The following KIF20B variants were observed in gnomAD, a reference collection of about 807,000 sequenced individuals.
KIF20B encodes kinesin family member 20B, also known as kinesin-like protein KIF20B.
KIF20B carries 188 observed loss-of-function variants against 232.5 expected under a neutral mutation model. The observed-to-expected ratio is 0.81, with a 90% confidence interval of 0.72 to 0.91. The LOEUF is 0.91. KIF20B is among the 40% of genes least tolerant of loss of function. KIF20B has a pLI of 0.00. For synonymous variants in KIF20B, 712 were observed against 683.0 expected (o/e 1.04, Z -0.66); for missense variants, 2,154 against 2,055.9 (o/e 1.05, Z -0.92).
chr10:89,757,063 TATATATAC>T (rs1353424913), intron 26 of KIF20B, among the ~76,000 whole-genome samples: 4 of 136,176 alleles, frequency 2.9e-5, no homozygotes, highest in African/African-American at 1.0e-4. Flanking sequence ...TATATATATA[TATATATAC>T]ACACATGACA....
chr10:89,719,841 T>A, intron 13 of KIF20B, 135 bp downstream of exon 13: 1 of 670,028 alleles, frequency 1.5e-6, no homozygotes, highest in Admixed American at 3.1e-5. Flanking sequence ...TTTTGAAAAA[T>A]TTCAAACCTA....
intron 31 of KIF20B, among the ~76,000 whole-genome samples, chr10:89,769,247 G>T (rs1229089583): frequency 6.6e-6 from 1 of 151,940 alleles, no homozygotes; most frequent in African/African-American, 2.4e-5. Context: ...TGAAATGTGG[G>T]CAGGAGTACA....
At chr10:89,767,792 A>G (rs12267287) in intron 29 of KIF20B, among the ~76,000 whole-genome samples, 2,597 of 152,214 alleles carry the variant, frequency 0.017, 90 homozygotes, top group African/African-American at 0.059. Flanking sequence ...TCAAATGTCA[A>G]TGAGAGAACT....
intron 22 of KIF20B, among the ~76,000 whole-genome samples, chr10:89,745,109 T>G (rs749595141): frequency 2.5e-4 from 38 of 152,248 alleles, no homozygotes; most frequent in Non-Finnish European, 4.9e-4. Context: ...ATGGTTTTTC[T>G]TGTTCCTTCT....
intron 2 of KIF20B, among the ~76,000 whole-genome samples, chr10:89,707,123 A>G (rs546176847): frequency 9.2e-5 from 14 of 152,270 alleles, no homozygotes; most frequent in Non-Finnish European, 1.9e-4. Flanking sequence ...TTTGTCAAAT[A>G]TATTTATAAA....
rs1382624823 is a variant in KIF20B at position 89,774,668 on chromosome 10, C to T, written c.*620C>T. On this transcript the variant is annotated 3_prime_UTR_variant, in exon 33 of 33. Transcript: ENST00000371728. ...GGTATCCATCCCCTCAAGCATTTTT[C>T]CTTTGAATTACAGATAATCCAATTA... 5 of 151,888 alleles carry T rather than the reference C, an allele frequency of 3.3e-5. No individual in the cohort carries two copies. The highest frequency in any genetic ancestry group is 2.6e-4 in the Admixed American group (4 of 15,222). 9.4% of individuals were successfully genotyped at this position (151,888 alleles called of 1,614,324 possible). A position where few individuals can be genotyped will look rare whatever the true frequency, so the allele number is the denominator to read the frequency against.
At position 89,758,832 on chromosome 10, in the gene KIF20B, G is replaced by T; in HGVS notation, c.4630G>T (p.Asp1544Tyr). The T allele has an allele frequency of 6.3e-7, 1 of 1,598,650 alleles. No homozygotes were observed. The highest frequency in any genetic ancestry group is 8.5e-7 in the Non-Finnish European group (1 of 1,172,920). ...KALISSNVQK[D>Y]NEIEQLKRII... ...ACTGATATCCAGTAATGTACAGAAA[G>T]ATAATGAAATTGAACAACTAAAAAG... Residue 1544 changes from aspartate (D) to tyrosine (Y), a missense_variant, in exon 27 of 33, where the codon GAT becomes TAT. By Grantham distance (160) the Asp-to-Tyr change is radical. Coordinates refer to ENST00000371728, the MANE Select transcript of KIF20B (RefSeq NM_001284259.2).
chr10:89,745,635 G>A lies in KIF20B; in HGVS notation c.4036-264G>A, dbSNP rs553795560. Among the ~76,000 whole-genome samples the A allele has an allele frequency of 2.7e-4, 41 of 150,712 alleles. No homozygotes were observed. In the South Asian group the frequency reaches 4.6e-3, roughly 17 times the overall value. Reference sequence around the variant, plus strand: ...TTTTGAGATGGAGTCTCGCTTTGTCGCCAGGCTGGAGTACAGTGGTGCGAT... The same window carrying A: ...TTTTGAGATGGAGTCTCGCTTTGTCACCAGGCTGGAGTACAGTGGTGCGAT... On this transcript the variant is annotated intron_variant, in intron 22 of 32. Coordinates refer to ENST00000371728, the MANE Select transcript of KIF20B (RefSeq NM_001284259.2).
intron 1 of KIF20B, among the ~76,000 whole-genome samples, chr10:89,704,050 C>A (rs1296351310): frequency 1.3e-5 from 2 of 152,158 alleles, no homozygotes; most frequent in African/African-American, 4.8e-5. Context: ...TGCGCCCGGC[C>A]GTAGGCTTTT....
intron 29 of KIF20B, among the ~76,000 whole-genome samples, chr10:89,763,416 A>T (rs1842286659): frequency 6.6e-6 from 1 of 152,246 alleles, no homozygotes; most frequent in African/African-American, 2.4e-5. Context: ...CCATTTCAGT[A>T]TACCAGTCCT....
chr10:89,716,132 T>C (rs1257582234), intron 8 of KIF20B, among the ~76,000 whole-genome samples: 2 of 152,248 alleles, frequency 1.3e-5, no homozygotes, highest in Non-Finnish European at 2.9e-5. Flanking sequence ...ATCTGTACTG[T>C]ACTTTGCCAC....
chr10:89,752,176 A>G (rs941946580), intron 24 of KIF20B, among the ~76,000 whole-genome samples: 4 of 152,116 alleles, frequency 2.6e-5, no homozygotes, highest in Admixed American at 1.3e-4. Context: ...AAACTCTATT[A>G]TAACTGTATT....
chr10:89,739,484 A>G lies in KIF20B; in HGVS notation c.3915+388A>G, dbSNP rs537970182. Among the ~76,000 whole-genome samples, 12 of 123,688 alleles carry G rather than the reference A, an allele frequency of 9.7e-5. No homozygotes were observed. In the South Asian group the frequency reaches 3.5e-3, roughly 37 times the overall value. 81.1% of individuals were successfully genotyped at this position (123,688 alleles called of 152,430 possible). On this transcript the variant is annotated intron_variant, in intron 21 of 32. Coordinates refer to ENST00000371728, the MANE Select transcript of KIF20B (RefSeq NM_001284259.2). Reference sequence around the variant, plus strand: ...CACATTATTCCAAATTTGAAATATAATAGATGTATACAATGAGAAGGAAAT... The same window carrying G: ...CACATTATTCCAAATTTGAAATATAGTAGATGTATACAATGAGAAGGAAAT...
At chr10:89,727,205 G>A (rs1435187754) in intron 16 of KIF20B, among the ~76,000 whole-genome samples, 1 of 151,520 alleles carries the variant, frequency 6.6e-6, no homozygotes, top group Non-Finnish European at 1.5e-5. Flanking sequence ...TAATTTGTTA[G>A]TTTGATGCTT....
At chr10:89,753,934 G>A (rs1842072030) in intron 25 of KIF20B, among the ~76,000 whole-genome samples, 1 of 151,508 alleles carries the variant, frequency 6.6e-6, no homozygotes, top group Non-Finnish European at 1.5e-5. Flanking sequence ...TTTTTTAAGT[G>A]GTATTATTAT....
chr10:89,745,770 C>T (rs1783412876), intron 22 of KIF20B, 129 bp from the exon 23 acceptor site: 2 of 621,926 alleles, frequency 3.2e-6, no homozygotes. Flanking sequence ...GAGACTGGTA[C>T]CAGCTGGTAT....
chr10:89,759,345 A>G (rs1322496581), intron 27 of KIF20B, among the ~76,000 whole-genome samples: 5 of 152,082 alleles, frequency 3.3e-5, no homozygotes, highest in Admixed American at 3.3e-4. Context: ...TGTTACTTTT[A>G]TATTACCTTG....
intron 21 of KIF20B, among the ~76,000 whole-genome samples, chr10:89,739,750 TCTACCA>T (rs767900490): frequency 3.3e-5 from 5 of 152,054 alleles, no homozygotes; most frequent in Non-Finnish European, 7.4e-5. Flanking sequence ...AAATGCTGTT[TCTACCA>T]CTATAAAAGT....
intron 13 of KIF20B, among the ~76,000 whole-genome samples, chr10:89,721,452 G>A (rs113112742): frequency 0.043 from 6,477 of 152,208 alleles, 402 homozygotes; most frequent in African/African-American, 0.14. Flanking sequence ...TAGGAGGATT[G>A]CTTGAGCTCA....
Sources: allele counts gnomAD v4.1 joint callset (sites outside exome capture counted in the v4.1 genomes callset), GRCh38; gene constraint gnomAD v4.1.1; transcripts MANE v1.5; gene names NCBI Gene and HGNC (gene_info 2026-07-23, HGNC 2026-07-21).